HDGF: variants seen among roughly 807,000 people sequenced by gnomAD.
HDGF encodes the protein heparin binding growth factor, also known as hepatoma-derived growth factor.
Under a neutral mutation model 30.0 loss-of-function variants are expected in HDGF, and 5 were observed. The observed-to-expected ratio is 0.17, with a 90% CI of 0.09 to 0.35. HDGF has a LOEUF of 0.35. Ranked by LOEUF, HDGF falls within the 10% of genes least tolerant of loss-of-function variation. The probability of loss-of-function intolerance (pLI) is 1.00; values close to 1 mark genes in which losing one functional copy is unlikely to be tolerated. For missense variants in HDGF, 214 were observed against 302.8 expected, an observed-to-expected ratio of 0.71 and a Z score of 2.18; for synonymous variants, 133 against 112.7, an observed-to-expected ratio of 1.18 and a Z score of -1.14.
upstream of HDGF, among the ~76,000 whole-genome samples, chr1:156,756,930 T>G (rs535021681): frequency 1.3e-5 from 2 of 151,566 alleles, no homozygotes; most frequent in South Asian, 4.2e-4. Context: ...GTAGCTGGGA[T>G]TACAGTTGTA....
chr1:156,762,108 C>T (rs1651259719), intron 1 of HDGF, among the ~76,000 whole-genome samples: 2 of 151,646 alleles, frequency 1.3e-5, no homozygotes, highest in South Asian at 4.2e-4. Context: ...CACCACTGCA[C>T]TCCAGCCTGG....
chr1:156,765,471 T>TA (rs1651340601), intron 1 of HDGF, among the ~76,000 whole-genome samples: 1 of 91,868 alleles, frequency 1.1e-5, no homozygotes, highest in African/African-American at 3.5e-5. Flanking sequence ...TTTCTTTCTT[T>TA]CTTTTTTTTT....
chr1:156,751,217 G>C lies in HDGF; in HGVS notation c.87+126C>G, dbSNP rs966608741. ...GGTGGGCTTGGAAGCGACAGAGAAAGAGCCGGAGACCTACAAGCCCCCTGC... is the reference window on the plus strand; with the variant it reads ...GGTGGGCTTGGAAGCGACAGAGAAACAGCCGGAGACCTACAAGCCCCCTGC... On this transcript the variant is annotated intron_variant, in intron 1 of 5. Transcript: ENST00000357325. The surrounding 1 kb of genome is among the most constrained non-coding windows in gnomAD (Gnocchi z 4.7). 8.2e-7 allele frequency: 1 copy of C among 1,221,636 alleles called. No individual in the cohort carries two copies. Among genetic ancestry groups the C allele is most frequent in the East Asian group, 3.3e-5 (1 of 29,878 alleles). 75.7% of individuals were successfully genotyped at this position (1,221,636 alleles called of 1,614,324 possible). A position where few individuals can be genotyped will look rare whatever the true frequency, so the allele number is the denominator to read the frequency against.
intron 2 of HDGF, among the ~76,000 whole-genome samples, chr1:156,758,592 C>CAAAAAAAAAAA (rs146810668): frequency 1.2e-5 from 1 of 86,008 alleles, no homozygotes; most frequent in African/African-American, 5.5e-5. Flanking sequence ...GACTCCGTCT[C>CAAAAAAAAAAA]AAAAAAAAAA....
At chr1:156,749,240 C>G (rs1650804114) in intron 1 of HDGF, among the ~76,000 whole-genome samples, 1 of 152,220 alleles carries the variant, frequency 6.6e-6, no homozygotes, top group Non-Finnish European at 1.5e-5. Context: ...CACGGGCCTT[C>G]TTTATGGCTG....
intron 1 of HDGF, chr1:156,750,524 T>TG (rs1208586368): frequency 6.6e-6 from 1 of 152,494 alleles, no homozygotes; most frequent in African/African-American, 2.4e-5. Flanking sequence ...TGGCAGAGAC[T>TG]GGGCCGTTCT....
intron 1 of HDGF, among the ~76,000 whole-genome samples, chr1:156,759,661 T>C (rs1651216107): frequency 6.6e-6 from 1 of 152,168 alleles, no homozygotes; most frequent in South Asian, 2.1e-4. Flanking sequence ...TTTGTATTTT[T>C]AGTAGAGATG....
intron 1 of HDGF, among the ~76,000 whole-genome samples, chr1:156,747,207 A>C (rs1390353168): frequency 9.0e-5 from 6 of 66,834 alleles, no homozygotes; most frequent in Admixed American, 2.3e-4. Context: ...CCCCGGGGCC[A>C]CTCAGCAACC....
intron 1 of HDGF, among the ~76,000 whole-genome samples, chr1:156,765,091 C>A (rs1017106995): frequency 1.3e-4 from 19 of 151,032 alleles, no homozygotes; most frequent in African/African-American, 3.9e-4. Context: ...GCGCCCCCCC[C>A]GCCCTTTTTT....
chr1:156,765,405 T>TTTTCTTTC (rs61168651), intron 1 of HDGF, among the ~76,000 whole-genome samples: 128 of 148,946 alleles, frequency 8.6e-4, no homozygotes, highest in African/African-American at 3.1e-3. Flanking sequence ...CTTTATCCAT[T>TTTTCTTTC]TTTCTTTCTT....
intron 1 of HDGF, among the ~76,000 whole-genome samples, chr1:156,746,291 A>T (rs1014884587): frequency 1.1e-4 from 16 of 151,742 alleles, no homozygotes; most frequent in African/African-American, 3.7e-4. Flanking sequence ...TATCTGCAGC[A>T]CGGTGCTTAG....
At chr1:156,752,204 CCT>C (rs1289025054), upstream of HDGF, 4 of 1,551,790 alleles carry the variant, frequency 2.6e-6, no homozygotes, top group Admixed American at 7.8e-5. Context: ...GCACTGGGGT[CCT>C]CTCTGGACCT....
In HDGF at chr1:156,743,117, T is replaced by C. The variant is rs116207813; in HGVS notation, c.*332A>G. The C allele has an allele frequency of 7.4e-5, 20 of 271,708 alleles. No homozygotes were observed. Among genetic ancestry groups the C allele is most frequent in the African/African-American group, 4.0e-4 (18 of 45,254 alleles). The allele number at this position is 271,708 out of a possible 1,614,324, so 16.8% of individuals were successfully genotyped here. A position where few individuals can be genotyped will look rare whatever the true frequency, so the allele number is the denominator to read the frequency against. ...TGCCTAGGAGAGTGGGAGAAGGGTG[T>C]CAGGAGGTGGGAGCAGTTGTCCCAG... is the stretch of plus-strand genomic sequence containing the variant. On this transcript the variant is annotated 3_prime_UTR_variant, in exon 6 of 6. Coordinates refer to ENST00000357325, the MANE Select transcript of HDGF (RefSeq NM_004494.3).
chr1:156,759,769 C>T (rs1215358637), intron 1 of HDGF, among the ~76,000 whole-genome samples: 3 of 152,162 alleles, frequency 2.0e-5, no homozygotes, highest in South Asian at 2.1e-4. Context: ...CATGAGCCAC[C>T]GTGCCCAGTC....
upstream of HDGF, among the ~76,000 whole-genome samples, chr1:156,754,350 C>G (rs988656439): frequency 2.0e-5 from 3 of 152,188 alleles, no homozygotes; most frequent in Admixed American, 2.0e-4. Flanking sequence ...ATTCTTGTTG[C>G]AACAAAATCT....
At chr1:156,763,540 T>C (rs1651296087) in intron 1 of HDGF, among the ~76,000 whole-genome samples, 1 of 152,032 alleles carries the variant, frequency 6.6e-6, no homozygotes, top group Non-Finnish European at 1.5e-5. Context: ...GGAAAACTTT[T>C]ATTATGATTA....
intron 1 of HDGF, among the ~76,000 whole-genome samples, chr1:156,746,393 G>A (rs1295343520): frequency 1.3e-5 from 2 of 152,204 alleles, no homozygotes; most frequent in Non-Finnish European, 2.9e-5. Flanking sequence ...GAGGTCAAAG[G>A]GCTGCCTATC....
intron 1 of HDGF, among the ~76,000 whole-genome samples, chr1:156,748,850 G>C (rs1451500244): frequency 6.6e-6 from 1 of 152,188 alleles, no homozygotes; most frequent in East Asian, 1.9e-4. Flanking sequence ...TTGGGGCCAG[G>C]AAAGTGTGGC....
At position 156,751,323 on chromosome 1, in the gene HDGF, C is replaced by T. The variant is rs768810835; in HGVS notation, c.87+20G>A. ...CCCAAGCCCGCAGGGGGTTAGGGGGCGGCGGGCCGCGCTGCTCACCCGGGC... is the reference window on the plus strand; with the variant it reads ...CCCAAGCCCGCAGGGGGTTAGGGGGTGGCGGGCCGCGCTGCTCACCCGGGC... On this transcript the variant is annotated intron_variant, in intron 1 of 5. Coordinates refer to ENST00000357325, the MANE Select transcript of HDGF (RefSeq NM_004494.3). The surrounding 1 kb of genome is among the most constrained non-coding windows in gnomAD (Gnocchi z 4.7). 1.2e-6 allele frequency: 2 copies of T among 1,602,698 alleles called. No homozygotes were observed. The highest frequency in any genetic ancestry group is 1.1e-5 in the South Asian group (1 of 90,100).
Sources: gnomAD v4.1 joint callset for allele counts (sites outside exome capture counted in the v4.1 genomes callset) on GRCh38, gnomAD v4.1.1 for gene constraint, Gnocchi (gnomAD v3.1) non-coding constraint, MANE v1.5 for transcripts, NCBI Gene and HGNC (gene_info 2026-07-23, HGNC 2026-07-21) for gene names.